The following COG5 variants were observed in gnomAD, a reference collection of about 807,000 sequenced individuals.
The protein encoded by COG5 is component of oligomeric golgi complex 5.
In COG5, 86 loss-of-function variants were observed where a neutral mutation model predicts 110.4. The ratio of observed to expected loss-of-function variants is 0.78; its 90% confidence interval spans 0.65 to 0.93. COG5 has a LOEUF of 0.93. Among genes scored for constraint, COG5 ranks in the 40% least tolerant of loss-of-function variants. The pLI, the probability that COG5 is intolerant of heterozygous loss-of-function variation, is 0.00. For missense variants in COG5, 1,077 were observed against 987.0 expected, an observed-to-expected ratio of 1.09 and a Z score of -1.22; for synonymous variants, 360 against 334.6, an observed-to-expected ratio of 1.08 and a Z score of -0.83.
intron 6 of COG5, among the ~76,000 whole-genome samples, chr7:107,515,314 CTAGA>C (rs1281684224): frequency 1.3e-5 from 2 of 151,790 alleles, no homozygotes; most frequent in African/African-American, 4.8e-5. Flanking sequence ...AAAAATCTTG[CTAGA>C]TATATAAGCA....
chr7:107,376,742 T>C (rs1814670263), intron 7 of COG5, among the ~76,000 whole-genome samples: 1 of 152,026 alleles, frequency 6.6e-6, no homozygotes. Flanking sequence ...TAATATCAAA[T>C]GGAAAGCCTT....
chr7:107,255,697 T>C (rs1317250751), intron 16 of COG5, among the ~76,000 whole-genome samples: 1 of 152,152 alleles, frequency 6.6e-6, no homozygotes, highest in Non-Finnish European at 1.5e-5. Context: ...AGGCTTATTG[T>C]ACCATTTTAT....
chr7:107,445,172 G>T (rs1364376418), intron 6 of COG5, among the ~76,000 whole-genome samples: 1 of 151,858 alleles, frequency 6.6e-6, no homozygotes, highest in Non-Finnish European at 1.5e-5. Flanking sequence ...CTGCACTCCA[G>T]CCTGGGCAAC....
chr7:107,219,892 C>T (rs1396362577), intron 19 of COG5, among the ~76,000 whole-genome samples: 1 of 152,068 alleles, frequency 6.6e-6, no homozygotes, highest in Admixed American at 6.5e-5. Flanking sequence ...ATTAATCATC[C>T]CACACGGTAC....
chr7:107,239,681 C>G (rs2116481356), intron 17 of COG5, among the ~76,000 whole-genome samples: 1 of 152,226 alleles, frequency 6.6e-6, no homozygotes, highest in East Asian at 1.9e-4. Flanking sequence ...AAACAAAATG[C>G]ATTTTGTTTC....
At chr7:107,206,532 T>G (rs369988426) in intron 21 of COG5, among the ~76,000 whole-genome samples, 4 of 152,200 alleles carry the variant, frequency 2.6e-5, no homozygotes, top group African/African-American at 9.7e-5. Context: ...CCCTACAGAA[T>G]CATATACAGT....
chr7:107,437,443 A>G (rs555454383), intron 6 of COG5, among the ~76,000 whole-genome samples: 16 of 152,314 alleles, frequency 1.1e-4, no homozygotes, highest in Non-Finnish European at 5.9e-5. Flanking sequence ...TCTGCTAAAA[A>G]TATAGAATAC....
chr7:107,215,236 C>T (rs1325841346), intron 19 of COG5, among the ~76,000 whole-genome samples: 2 of 152,056 alleles, frequency 1.3e-5, no homozygotes, highest in African/African-American at 2.4e-5. Context: ...AAGAGAGGAA[C>T]AAGGAAACAA....
chr7:107,415,979 T>C lies in COG5; in HGVS notation c.539-3347A>G, dbSNP rs969069104. Among the ~76,000 whole-genome samples the C allele has an allele frequency of 1.8e-5, 2 of 112,584 alleles. 1 individual carries two copies. Among genetic ancestry groups the C allele is most frequent in the East Asian group, 5.6e-4 (2 of 3,578 alleles). 73.9% of individuals were successfully genotyped at this position (112,584 alleles called of 152,430 possible). On this transcript the variant is annotated intron_variant, in intron 6 of 21. Coordinates refer to ENST00000297135, the MANE Select transcript of COG5 (RefSeq NM_006348.5). ...GTGTGTATATACACACACATACACG[T>C]ATGTATATATGTGTGTATATATACA...
chr7:107,479,569 A>C (rs991513329), intron 6 of COG5, among the ~76,000 whole-genome samples: 2 of 152,132 alleles, frequency 1.3e-5, no homozygotes, highest in Admixed American at 1.3e-4. Context: ...TAGGAAAGAA[A>C]ACTGGCATAA....
intron 10 of COG5, among the ~76,000 whole-genome samples, chr7:107,339,512 T>G (rs1811005014): frequency 6.6e-6 from 1 of 152,002 alleles, no homozygotes; most frequent in African/African-American, 2.4e-5. Context: ...GTTCAGCACT[T>G]AACTAACTGG....
chr7:107,518,806 G>C (rs1037739429), intron 6 of COG5, among the ~76,000 whole-genome samples: 4 of 152,176 alleles, frequency 2.6e-5, no homozygotes, highest in Admixed American at 2.0e-4. Flanking sequence ...GGATCAAGTG[G>C]ACCTAACAGC....
chr7:107,308,438 G>C (rs1584655914), intron 11 of COG5, among the ~76,000 whole-genome samples: 1 of 152,108 alleles, frequency 6.6e-6, no homozygotes, highest in East Asian at 1.9e-4. Flanking sequence ...ATTTCTAACA[G>C]GACTACTGCA....
intron 6 of COG5, chr7:107,475,559 G>A: frequency 2.2e-6 from 1 of 460,100 alleles, no homozygotes; most frequent in South Asian, 5.1e-5. Context: ...ATGGCAGTTT[G>A]TTAAAGTACT....
At chr7:107,482,062 T>C (rs1340079476) in intron 6 of COG5, among the ~76,000 whole-genome samples, 2 of 152,074 alleles carry the variant, frequency 1.3e-5, no homozygotes, top group East Asian at 3.9e-4. Flanking sequence ...CTTTTTAAAA[T>C]GCCAATTCCT....
intron 6 of COG5, among the ~76,000 whole-genome samples, chr7:107,515,885 C>G (rs1323374648): frequency 6.6e-6 from 1 of 152,140 alleles, no homozygotes; most frequent in Non-Finnish European, 1.5e-5. Flanking sequence ...AGAAAGAGAA[C>G]AGATCCTGGA....
Position 107,203,325 on chromosome 7 carries a change from G to C in COG5, c.*191C>G. 2 of 599,636 alleles carry C rather than the reference G, an allele frequency of 3.3e-6. No individual in the cohort carries two copies. The highest frequency in any genetic ancestry group is 5.9e-6 in the Non-Finnish European group (2 of 336,186). The allele number at this position is 599,636 out of a possible 1,614,324, so 37.1% of individuals were successfully genotyped here. On this transcript the variant is annotated 3_prime_UTR_variant, in exon 22 of 22. Coordinates refer to ENST00000297135, the MANE Select transcript of COG5 (RefSeq NM_006348.5). ...AAAAATCAGGTCCATGGAATTGAAA[G>C]GTGGTGATAACTCAACATTTTTTAT... is the stretch of plus-strand genomic sequence containing the variant.
At chr7:107,509,386 T>C (rs1031968185) in intron 6 of COG5, among the ~76,000 whole-genome samples, 6 of 152,006 alleles carry the variant, frequency 3.9e-5, no homozygotes, top group Admixed American at 6.6e-5. Context: ...CTCCAAGAAA[T>C]ATGGGACTAT....
intron 6 of COG5, among the ~76,000 whole-genome samples, chr7:107,477,142 A>G (rs896165364): frequency 3.3e-4 from 50 of 151,738 alleles, no homozygotes; most frequent in Non-Finnish European, 2.4e-4. Context: ...GGATTAAGAA[A>G]ATTTTCGTTT....
Sources: allele counts gnomAD v4.1 joint callset (sites outside exome capture counted in the v4.1 genomes callset), GRCh38; gene constraint gnomAD v4.1.1; transcripts MANE v1.5; gene names NCBI Gene and HGNC (gene_info 2026-07-23, HGNC 2026-07-21).